The following RRAGD variants were observed in gnomAD, a reference collection of about 807,000 sequenced individuals.
The protein encoded by RRAGD is ras-related GTP-binding protein D.
A neutral mutation model predicts 35.5 loss-of-function variants in RRAGD; 12 were observed. The observed-to-expected ratio is 0.34, with a 90% CI of 0.22 to 0.55. The LOEUF is 0.55. Ranked by LOEUF, RRAGD falls within the 20% of genes least tolerant of loss-of-function variation. The pLI is 0.91. For synonymous variants in RRAGD, 155 were observed against 178.9 expected (o/e 0.87, Z 1.07); for missense variants, 324 against 490.1 (o/e 0.66, Z 3.20).
At chr6:89,383,731 C>T (rs956011259) in intron 2 of RRAGD, among the ~76,000 whole-genome samples, 2 of 151,978 alleles carry the variant, frequency 1.3e-5, no homozygotes, top group African/African-American at 4.8e-5. Flanking sequence ...CACATTTACT[C>T]CTGGGGGATA....
chr6:89,392,340 C>A (rs1232279680), intron 1 of RRAGD, among the ~76,000 whole-genome samples: 1 of 151,800 alleles, frequency 6.6e-6, no homozygotes, highest in African/African-American at 2.4e-5. Context: ...ATTGGCTGGG[C>A]ATGGTGGCAT....
chr6:89,398,261 G>A (rs1769379231), intron 1 of RRAGD, among the ~76,000 whole-genome samples: 1 of 152,230 alleles, frequency 6.6e-6, no homozygotes, highest in Admixed American at 6.5e-5. Context: ...TATCTTGACT[G>A]TGCTGATGGT....
chr6:89,397,624 CAAAA>C (rs200607577), intron 1 of RRAGD, among the ~76,000 whole-genome samples: 1 of 135,044 alleles, frequency 7.4e-6, no homozygotes, highest in Non-Finnish European at 1.7e-5. Context: ...CAAAAAAAAA[CAAAA>C]AAAACCTGTA....
rs1304669229 is a variant in RRAGD at position 89,411,656 on chromosome 6, G to A, written c.148+190C>T. 6.6e-6 allele frequency among the ~76,000 whole-genome samples: 1 copy of A among 152,168 alleles called. No homozygotes were observed. The highest frequency in any genetic ancestry group is 1.5e-5 in the Non-Finnish European group (1 of 68,028). ...GATCCTGGTTGCCCCTCCGCCACCA[G>A]CACCGCGCTCCCTCATTTGGCAGCT... On this transcript the variant is annotated intron_variant, in intron 1 of 6. Coordinates refer to ENST00000369415, the MANE Select transcript of RRAGD (RefSeq NM_021244.5). This position sits in a 1 kb window ranked among gnomAD's most constrained non-coding sequence, Gnocchi z 5.6.
chr6:89,403,244 G>A (rs1480115220), intron 1 of RRAGD, among the ~76,000 whole-genome samples: 2 of 152,258 alleles, frequency 1.3e-5, no homozygotes, highest in Admixed American at 6.5e-5. Flanking sequence ...GATCAATCGA[G>A]ACCATCCTGG....
At chr6:89,402,117 A>G (rs1158414967) in intron 1 of RRAGD, among the ~76,000 whole-genome samples, 2 of 132,962 alleles carry the variant, frequency 1.5e-5, no homozygotes, top group Non-Finnish European at 3.1e-5. Flanking sequence ...GTGCAATCTC[A>G]GCTCACTGCA....
intron 1 of RRAGD, among the ~76,000 whole-genome samples, chr6:89,403,385 CAG>C (rs1349209098): frequency 2.0e-5 from 3 of 151,752 alleles, no homozygotes; most frequent in Admixed American, 6.6e-5. Flanking sequence ...GCGGAGCTTG[CAG>C]TGAGCAGAGA....
At chr6:89,398,145 CAA>C (rs545244953) in intron 1 of RRAGD, among the ~76,000 whole-genome samples, 1 of 122,342 alleles carries the variant, frequency 8.2e-6, no homozygotes. Context: ...AACTCCATCT[CAA>C]AAAAAAAAAG....
Position 89,387,654 on chromosome 6 carries a change from T to G in RRAGD, c.149-64A>C, listed in dbSNP as rs1769159286. ...TTCACAGAGGTTAATTAGAGGAGTT[T>G]CACTTCCACCTCAAATGTGATTTAT... On this transcript the variant is annotated intron_variant, in intron 1 of 6. Coordinates refer to ENST00000369415, the MANE Select transcript of RRAGD (RefSeq NM_021244.5). The G allele has an allele frequency of 4.3e-6, 6 of 1,403,024 alleles. No homozygotes were observed. The Admixed American group carries it at 1.2e-4, about 28-fold the overall frequency. 86.9% of individuals were successfully genotyped at this position (1,403,024 alleles called of 1,614,324 possible). A position where few individuals can be genotyped will look rare whatever the true frequency, so the allele number is the denominator to read the frequency against.
intron 1 of RRAGD, among the ~76,000 whole-genome samples, chr6:89,402,123 CTG>C (rs1769482558): frequency 7.2e-6 from 1 of 139,148 alleles, no homozygotes; most frequent in Non-Finnish European, 1.5e-5. Flanking sequence ...TCTCAGCTCA[CTG>C]CAACCTCCGC....
chr6:89,396,184 TAGAA>T (rs1769328159), intron 1 of RRAGD, among the ~76,000 whole-genome samples: 1 of 151,898 alleles, frequency 6.6e-6, no homozygotes, highest in Admixed American at 6.6e-5. Flanking sequence ...TAATAAAATT[TAGAA>T]AGAAAAGCAC....
intron 2 of RRAGD, among the ~76,000 whole-genome samples, chr6:89,383,536 T>C (rs556271676): frequency 2.6e-5 from 4 of 152,228 alleles, no homozygotes; most frequent in Non-Finnish European, 5.9e-5. Context: ...CTGGGGATTA[T>C]GGGCAGGTCA....
intron 1 of RRAGD, among the ~76,000 whole-genome samples, chr6:89,392,352 C>T (rs187821063): frequency 6.6e-6 from 1 of 151,854 alleles, no homozygotes; most frequent in Non-Finnish European, 1.5e-5. Context: ...TGGTGGCATG[C>T]AGCTGTCATC....
At chr6:89,373,666 G>C (rs569892804) in intron 5 of RRAGD, among the ~76,000 whole-genome samples, 5 of 151,684 alleles carry the variant, frequency 3.3e-5, no homozygotes, top group African/African-American at 1.2e-4. Context: ...GAAAAGGTGT[G>C]GTGTGCAGAC....
rs1197540348 is a variant in RRAGD at position 89,372,365 on chromosome 6, C to T, written c.1051+72G>A. 1.3e-5 allele frequency: 19 copies of T among 1,486,196 alleles called. No homozygotes were observed. The East Asian group carries it at 4.8e-4, about 37-fold the overall frequency. 92.1% of individuals were successfully genotyped at this position (1,486,196 alleles called of 1,614,324 possible). On this transcript the variant is annotated intron_variant, in intron 6 of 6. Coordinates refer to ENST00000369415, the MANE Select transcript of RRAGD (RefSeq NM_021244.5). ...GGCTATGCTGTTGTCCACCCACATT[C>T]AACAAACAATACATGCAGTAGCAGT...
At chr6:89,392,085 C>T (rs1769245508) in intron 1 of RRAGD, among the ~76,000 whole-genome samples, 1 of 151,734 alleles carries the variant, frequency 6.6e-6, no homozygotes, top group Admixed American at 6.6e-5. Context: ...AAGTATATCT[C>T]AATTTTTTTA....
intron 5 of RRAGD, among the ~76,000 whole-genome samples, chr6:89,374,619 A>G (rs2127885407): frequency 6.6e-6 from 1 of 151,998 alleles, no homozygotes; most frequent in South Asian, 2.1e-4. Flanking sequence ...AATCCCAGCT[A>G]CTCGGGAGGC....
chr6:89,387,995 G>C (rs1022817836), intron 1 of RRAGD, among the ~76,000 whole-genome samples: 2 of 152,098 alleles, frequency 1.3e-5, no homozygotes, highest in Non-Finnish European at 2.9e-5. Context: ...ATTGTTCTCT[G>C]AGAAGCCATC....
intron 5 of RRAGD, among the ~76,000 whole-genome samples, chr6:89,375,391 A>C (rs1312932424): frequency 6.6e-6 from 1 of 152,242 alleles, no homozygotes; most frequent in Non-Finnish European, 1.5e-5. Context: ...TTACTACTCA[A>C]GTTTTTCATC....
Sources: gnomAD v4.1 joint callset for allele counts (sites outside exome capture counted in the v4.1 genomes callset) on GRCh38, gnomAD v4.1.1 for gene constraint, Gnocchi (gnomAD v3.1) non-coding constraint, MANE v1.5 for transcripts, NCBI Gene and HGNC (gene_info 2026-07-23, HGNC 2026-07-21) for gene names.